The following RASGRP3 variants were observed in gnomAD, a reference collection of about 807,000 sequenced individuals.
The protein encoded by RASGRP3 is RAS guanyl releasing protein 3.
In RASGRP3, 54 loss-of-function variants were observed where a neutral mutation model predicts 82.7. The ratio of observed to expected loss-of-function variants is 0.65; its 90% confidence interval spans 0.52 to 0.82. RASGRP3 has a LOEUF of 0.82. Among genes scored for constraint, RASGRP3 ranks in the 40% least tolerant of loss-of-function variants. The pLI, the probability that RASGRP3 is intolerant of heterozygous loss-of-function variation, is 0.00. For missense variants in RASGRP3, 861 were observed against 828.9 expected (o/e 1.04, Z -0.48); for synonymous variants, 309 against 300.5 (o/e 1.03, Z -0.29).
intron 14 of RASGRP3, among the ~76,000 whole-genome samples, chr2:33,552,002 C>CAAAG (rs1485183791): frequency 8.4e-6 from 1 of 119,300 alleles, no homozygotes; most frequent in Non-Finnish European, 1.7e-5. Flanking sequence ...CAAAAACAAA[C>CAAAG]AAACAAACAA....
chr2:33,548,496 A>AGACT (rs1416268261), intron 13 of RASGRP3, among the ~76,000 whole-genome samples: 1 of 151,990 alleles, frequency 6.6e-6, no homozygotes, highest in African/African-American at 2.4e-5. Flanking sequence ...ACAGGGGAAG[A>AGACT]GACTGAGCAT....
At position 33,467,980 on chromosome 2, in the gene RASGRP3, T is replaced by C. The variant is rs79563120; in HGVS notation, c.-261+20037T>C. ...GGTTTTTCTAATGGATGGTGAGGCT[T>C]TTTCTTTCTTTCTTTCTTTCTTTCT... is the stretch of plus-strand genomic sequence containing the variant. On this transcript the variant is annotated intron_variant, in intron 2 of 18. Coordinates refer to the RASGRP3 transcript ENST00000402538. 7.7e-3 allele frequency among the ~76,000 whole-genome samples: 893 copies of C among 116,384 alleles called. 9 individuals carry two copies. Among genetic ancestry groups the C allele is most frequent in the South Asian group, 0.015 (44 of 2,962 alleles). The allele number at this position is 116,384 out of a possible 152,430, so 76.4% of individuals were successfully genotyped here.
At chr2:33,542,084 C>A (rs1674333283) in intron 12 of RASGRP3, among the ~76,000 whole-genome samples, 1 of 146,152 alleles carries the variant, frequency 6.8e-6, no homozygotes, top group Admixed American at 7.0e-5. Context: ...GTAGCCTGGG[C>A]AACAGAGTGA....
At chr2:33,449,170 C>T (rs1235636377) in intron 2 of RASGRP3, among the ~76,000 whole-genome samples, 3 of 152,178 alleles carry the variant, frequency 2.0e-5, no homozygotes, top group African/African-American at 7.2e-5. Flanking sequence ...TCATTTCTAC[C>T]TCTCCCAGAT....
chr2:33,449,458 T>C (rs771336464), intron 2 of RASGRP3, among the ~76,000 whole-genome samples: 3 of 152,086 alleles, frequency 2.0e-5, no homozygotes, highest in Non-Finnish European at 4.4e-5. Flanking sequence ...TTTCATGACA[T>C]TGGAATATTT....
At chr2:33,469,521 G>A (rs750712743) in intron 2 of RASGRP3, among the ~76,000 whole-genome samples, 2 of 150,562 alleles carry the variant, frequency 1.3e-5, no homozygotes, top group Admixed American at 6.6e-5. Flanking sequence ...GTGCAGTGGC[G>A]CGATCTTGAC....
chr2:33,511,869 A>G (rs1198991496), intron 2 of RASGRP3, 27 bp downstream of exon 2: 1 of 152,662 alleles, frequency 6.6e-6, no homozygotes, highest in African/African-American at 2.4e-5. Flanking sequence ...ATTGTCATAA[A>G]TTATGTAAGA....
intron 3 of RASGRP3, among the ~76,000 whole-genome samples, chr2:33,516,012 T>A (rs536622967): frequency 8.5e-4 from 129 of 152,356 alleles, no homozygotes; most frequent in African/African-American, 3.0e-3. Context: ...CAAATTTAAC[T>A]GATTGTCCTG....
intron 15 of RASGRP3, among the ~76,000 whole-genome samples, chr2:33,556,924 C>CACACAT (rs1553366481): frequency 1.0e-5 from 1 of 98,122 alleles, no homozygotes; most frequent in African/African-American, 5.8e-5. Context: ...CACACACACA[C>CACACAT]ACACGCAATT....
Position 33,540,434 on chromosome 2 carries a change from G to C in RASGRP3, c.1278+1224G>C, listed in dbSNP as rs1355565573. 3.4e-5 allele frequency among the ~76,000 whole-genome samples: 5 copies of C among 145,950 alleles called. 1 individual carries two copies. Among genetic ancestry groups the C allele is most frequent in the Non-Finnish European group, 6.1e-5 (4 of 65,070 alleles). On this transcript the variant is annotated intron_variant, in intron 12 of 17. Coordinates refer to ENST00000403687, the MANE Select transcript of RASGRP3 (RefSeq NM_001139488.2). ...ATGCAAGGACTGAGCTGCAGCTCAGGAATGTCTGAAGCCAGGAAATAGAAG... is the reference window on the plus strand; with the variant it reads ...ATGCAAGGACTGAGCTGCAGCTCAGCAATGTCTGAAGCCAGGAAATAGAAG...
In RASGRP3 at chr2:33,516,649, C is replaced by A. The variant is rs1174105502; in HGVS notation, c.173+5C>A. 4.0e-6 allele frequency: 6 copies of A among 1,495,400 alleles called. No individual in the cohort carries two copies. Among genetic ancestry groups the A allele is most frequent in the Non-Finnish European group, 5.5e-6 (6 of 1,086,060 alleles). The allele number at this position is 1,495,400 out of a possible 1,614,324, so 92.6% of individuals were successfully genotyped here. On this transcript the variant is annotated splice_donor_5th_base_variant and intron_variant, in intron 4 of 17. Transcript: ENST00000403687. Reference sequence around the variant, plus strand: ...GGCAGAAAAACTTCTCTGCATATATCTTTTCAACTACTGTGTAATTTTTAC... The same window carrying A: ...GGCAGAAAAACTTCTCTGCATATATATTTTCAACTACTGTGTAATTTTTAC...
intron 2 of RASGRP3, among the ~76,000 whole-genome samples, chr2:33,452,848 G>C (rs1453983696): frequency 6.6e-6 from 1 of 152,208 alleles, no homozygotes; most frequent in African/African-American, 2.4e-5. Context: ...CTTGCAGCCT[G>C]GGGCCATAGG....
intron 11 of RASGRP3, among the ~76,000 whole-genome samples, chr2:33,535,666 A>G (rs1329510681): frequency 1.3e-5 from 2 of 152,218 alleles, no homozygotes; most frequent in Admixed American, 1.3e-4. Context: ...CCTTCCTGCC[A>G]GTCCCCAGAG....
intron 6 of RASGRP3, among the ~76,000 whole-genome samples, chr2:33,521,582 C>T (rs1347074253): frequency 6.6e-6 from 1 of 152,230 alleles, no homozygotes; most frequent in Non-Finnish European, 1.5e-5. Context: ...TCATGTTATA[C>T]TAAAGTATGA....
chr2:33,465,514 C>G (rs767558058), intron 2 of RASGRP3, among the ~76,000 whole-genome samples: 3 of 152,238 alleles, frequency 2.0e-5, no homozygotes, highest in East Asian at 1.9e-4. Flanking sequence ...CAGAGCAAGA[C>G]CCTGTGTCAA....
intron 1 of RASGRP3, chr2:33,493,251 C>T (rs76165862): frequency 0.099 from 15,140 of 152,230 alleles, 791 homozygotes; most frequent in Middle Eastern, 0.12. Context: ...TTGCTCCAGA[C>T]GAATCCACTT....
At position 33,564,653 on chromosome 2, in the gene RASGRP3, A is replaced by T. The variant is rs570750547; in HGVS notation, c.*1916A>T. The T allele has an allele frequency of 2.0e-5, 3 of 152,294 alleles. No individual in the cohort carries two copies. The highest frequency in any genetic ancestry group is 6.5e-5 in the Admixed American group (1 of 15,286). 9.4% of individuals were successfully genotyped at this position (152,294 alleles called of 1,614,324 possible). ...TTATTTTTGAGTTTTCGTACATAGG[A>T]AGTTTTATATTGCCAGCCTTCCTGT... is the stretch of plus-strand genomic sequence containing the variant. On this transcript the variant is annotated 3_prime_UTR_variant, in exon 18 of 18. Transcript: ENST00000403687.
intron 14 of RASGRP3, chr2:33,555,237 C>T (rs1414696039): frequency 8.1e-6 from 2 of 245,948 alleles, no homozygotes; most frequent in Non-Finnish European, 1.6e-5. Context: ...CTCCTCTGTA[C>T]ATTTTGCTGA....
At chr2:33,471,304 T>A (rs1035225730) in intron 2 of RASGRP3, among the ~76,000 whole-genome samples, 4 of 120,366 alleles carry the variant, frequency 3.3e-5, no homozygotes, top group African/African-American at 1.0e-4. Context: ...TCCTCCCAGG[T>A]TGGTAGGACT....
Sources: allele counts gnomAD v4.1 joint callset (sites outside exome capture counted in the v4.1 genomes callset), GRCh38; gene constraint gnomAD v4.1.1; transcripts MANE v1.5; gene names NCBI Gene and HGNC (gene_info 2026-07-23, HGNC 2026-07-21).